PCDH15: variants seen among roughly 807,000 people sequenced by gnomAD.
PCDH15 encodes protocadherin related 15.
In PCDH15, 129 loss-of-function variants were observed where a neutral mutation model predicts 178.5. That is an observed-to-expected ratio of 0.72 (90% CI 0.63 to 0.84). The LOEUF is 0.84. PCDH15 is among the 40% of genes least tolerant of loss of function. The pLI, the probability that PCDH15 is intolerant of heterozygous loss-of-function variation, is 0.00. For missense variants in PCDH15, 2,230 were observed against 2,099.9 expected, an observed-to-expected ratio of 1.06 and a Z score of -1.21; for synonymous variants, 800 against 732.0, an observed-to-expected ratio of 1.09 and a Z score of -1.50.
intron 1 of PCDH15, among the ~76,000 whole-genome samples, chr10:55,223,146 G>C (rs932023260): frequency 6.6e-6 from 1 of 151,934 alleles, no homozygotes; most frequent in Non-Finnish European, 1.5e-5. Flanking sequence ...TTAATATTGA[G>C]CATAATTTTA....
At chr10:54,295,083 T>C (rs2059663147) in intron 8 of PCDH15, among the ~76,000 whole-genome samples, 1 of 152,206 alleles carries the variant, frequency 6.6e-6, no homozygotes, top group African/African-American at 2.4e-5. Flanking sequence ...TACAAATTCT[T>C]AGGCCACATT....
chr10:55,534,236 T>C (rs1043740723), intron 2 of PCDH15, among the ~76,000 whole-genome samples: 3 of 151,862 alleles, frequency 2.0e-5, no homozygotes, highest in African/African-American at 7.2e-5. Flanking sequence ...TGGGACCTAA[T>C]TAAAGTGTTT....
chr10:54,019,713 G>C (rs962824570), intron 20 of PCDH15, among the ~76,000 whole-genome samples: 3 of 152,118 alleles, frequency 2.0e-5, no homozygotes, highest in East Asian at 1.9e-4. Context: ...GCTTAAAAAG[G>C]GTTGAGCCAG....
chr10:54,499,396 CTCTAAGA>C (rs1472196453), intron 3 of PCDH15, among the ~76,000 whole-genome samples: 11 of 152,012 alleles, frequency 7.2e-5, no homozygotes, highest in Non-Finnish European at 1.5e-5. Flanking sequence ...ACAGAATGTA[CTCTAAGA>C]TCAACCACAT....
At chr10:55,168,977 A>C in intron 1 of PCDH15, among the ~76,000 whole-genome samples, 1 of 152,300 alleles carries the variant, frequency 6.6e-6, no homozygotes, top group South Asian at 2.1e-4. Context: ...AAAATAGGAT[A>C]AAAGTCATAT....
At chr10:54,073,403 A>G (rs1297382979) in intron 17 of PCDH15, among the ~76,000 whole-genome samples, 1 of 152,128 alleles carries the variant, frequency 6.6e-6, no homozygotes, top group East Asian at 1.9e-4. Flanking sequence ...CTATTTTGAA[A>G]TTCAAAGTTA....
intron 1 of PCDH15, among the ~76,000 whole-genome samples, chr10:54,694,565 T>C (rs76845231): frequency 0.08 from 12,218 of 152,150 alleles, 548 homozygotes; most frequent in South Asian, 0.15. Flanking sequence ...ACTTCATGTC[T>C]CTGTGTCTAT....
At chr10:54,478,666 C>T (rs188884021) in intron 3 of PCDH15, among the ~76,000 whole-genome samples, 113 of 152,164 alleles carry the variant, frequency 7.4e-4, no homozygotes, top group Non-Finnish European at 1.2e-3. Flanking sequence ...TTACATTATT[C>T]CATCTCTTTC....
intron 2 of PCDH15, among the ~76,000 whole-genome samples, chr10:55,426,226 G>A (rs1016360154): frequency 1.3e-5 from 2 of 152,100 alleles, no homozygotes; most frequent in African/African-American, 4.8e-5. Flanking sequence ...CTGACCTCTT[G>A]GTGGGACTCG....
intron 2 of PCDH15, among the ~76,000 whole-genome samples, chr10:55,336,645 G>A (rs1414157605): frequency 6.6e-6 from 1 of 152,098 alleles, no homozygotes; most frequent in Non-Finnish European, 1.5e-5. Context: ...ACACAAAGAA[G>A]AATCTGAATA....
rs183006817 is a variant in PCDH15 at position 54,449,090 on chromosome 10, C to T, written c.158-70148G>A. ...ATTCCTTGGCTACGGCAGGGAAGTT[C>T]AAACCATTTAAATCCTGAACTATTG... On this transcript the variant is annotated intron_variant, in intron 3 of 37. Transcript: ENST00000644397. Among the ~76,000 whole-genome samples, 7 of 151,696 alleles carry T rather than the reference C, an allele frequency of 4.6e-5. No homozygotes were observed. The East Asian group carries it at 1.4e-3, about 30-fold the overall frequency.
chr10:54,757,964 A>T (rs1023412449), intron 1 of PCDH15, among the ~76,000 whole-genome samples: 5 of 152,160 alleles, frequency 3.3e-5, no homozygotes, highest in Admixed American at 2.0e-4. Flanking sequence ...AAGACCCTTC[A>T]TTGCTTTATA....
chr10:55,611,661 T>C (rs1179276255), intron 2 of PCDH15, among the ~76,000 whole-genome samples: 4 of 152,072 alleles, frequency 2.6e-5, no homozygotes, highest in African/African-American at 4.8e-5. Flanking sequence ...GGGTGTATAC[T>C]CAAATGAGTT....
intron 2 of PCDH15, among the ~76,000 whole-genome samples, chr10:55,368,197 A>G (rs1845413533): frequency 6.6e-6 from 1 of 152,070 alleles, no homozygotes; most frequent in Non-Finnish European, 1.5e-5. Flanking sequence ...GAATAGACAT[A>G]GTTTTTGTCA....
intron 27 of PCDH15, among the ~76,000 whole-genome samples, chr10:53,858,255 T>C (rs1370215311): frequency 6.6e-6 from 1 of 152,076 alleles, no homozygotes; most frequent in Non-Finnish European, 1.5e-5. Context: ...CAATCTACAG[T>C]AGGGAGTAAT....
At chr10:53,824,559 A>C (rs2076544391) in intron 32 of PCDH15, among the ~76,000 whole-genome samples, 1 of 152,202 alleles carries the variant, frequency 6.6e-6, no homozygotes, top group South Asian at 2.1e-4. Flanking sequence ...AACAATTCAC[A>C]CAGGTAGACC....
rs1259267851 is a variant in PCDH15, at chr10:54,378,792, A to G, written c.308T>C (p.Leu103Pro). The G allele has an allele frequency of 1.9e-6, 3 of 1,613,840 alleles. No homozygotes were observed. Among genetic ancestry groups the G allele is most frequent in the Non-Finnish European group, 1.7e-6 (2 of 1,179,828 alleles). ...AAAAAAATCACTAACATCTCTATCC[A>G]GAACTCTTCCGGTGCTGTTCAGGAA... ...MLFLNSTGRV[L>P]DRDPPMNIHS... The change falls in exon 4 of 38, where the codon CTG becomes CCG. Residue 103 changes from leucine to proline, a missense_variant. By Grantham distance (98) the Leu-to-Pro change is moderately conservative. Coordinates refer to ENST00000644397, the MANE Select transcript of PCDH15 (RefSeq NM_001384140.1).
chr10:53,993,863 T>A (rs2091680324), intron 21 of PCDH15, among the ~76,000 whole-genome samples: 1 of 152,226 alleles, frequency 6.6e-6, no homozygotes, highest in East Asian at 1.9e-4. Flanking sequence ...CTGATAAATA[T>A]ATACTCAATA....
chr10:54,945,514 G>T (rs1471067947), intron 2 of PCDH15, among the ~76,000 whole-genome samples: 1 of 151,300 alleles, frequency 6.6e-6, no homozygotes, highest in Admixed American at 6.6e-5. Context: ...ATTTGCCTGA[G>T]AAATCAGTAT....
Sources: allele counts gnomAD v4.1 joint callset (sites outside exome capture counted in the v4.1 genomes callset), GRCh38; gene constraint gnomAD v4.1.1; transcripts MANE v1.5; gene names NCBI Gene and HGNC (gene_info 2026-07-23, HGNC 2026-07-21).